The following EFTUD2 variants were observed in gnomAD, a reference collection of about 807,000 sequenced individuals.
The protein encoded by EFTUD2 is 116 kDa U5 small nuclear ribonucleoprotein component.
A neutral mutation model predicts 114.3 loss-of-function variants in EFTUD2; 9 were observed. The ratio of observed to expected loss-of-function variants is 0.08; its 90% confidence interval spans 0.05 to 0.14. The LOEUF is 0.14. EFTUD2 is among the 10% of genes least tolerant of loss of function. The probability of loss-of-function intolerance (pLI) is 1.00; values close to 1 mark genes in which losing one functional copy is unlikely to be tolerated. For missense variants in EFTUD2, 765 were observed against 1,241.2 expected (o/e 0.62, Z 5.76); for synonymous variants, 449 against 462.3 (o/e 0.97, Z 0.37).
rs2145438683 is a variant in EFTUD2 at position 44,854,770 on chromosome 17, T to C, written c.2133-88A>G. ...CAGACCCTCCCTTCCTGGAAGACAGTCACTTCATCCTACCCACTGTGCCCA... is the reference window on the plus strand; with the variant it reads ...CAGACCCTCCCTTCCTGGAAGACAGCCACTTCATCCTACCCACTGTGCCCA... On this transcript the variant is annotated intron_variant, in intron 21 of 27. Coordinates refer to ENST00000426333, the MANE Select transcript of EFTUD2 (RefSeq NM_004247.4). This position sits in a 1 kb window ranked among gnomAD's most constrained non-coding sequence, Gnocchi z 4.3. 6.3e-7 allele frequency: 1 copy of C among 1,580,978 alleles called. No homozygotes were observed. Among genetic ancestry groups the C allele is most frequent in the Middle Eastern group, 1.9e-4 (1 of 5,156 alleles).
intron 18 of EFTUD2, 21 bp downstream of exon 18, chr17:44,859,884 T>C (rs1344118708): frequency 6.2e-7 from 1 of 1,613,790 alleles, no homozygotes. Flanking sequence ...GCTTGGCGGC[T>C]GCTGCAGGCC....
At chr17:44,879,739 G>A (rs888545766) in intron 8 of EFTUD2, 101 bp from the exon 9 acceptor site, 29 of 1,112,486 alleles carry the variant, frequency 2.6e-5, no homozygotes, top group East Asian at 1.0e-4. Context: ...GTGAACCTCC[G>A]AATATCCCCT....
At position 44,867,862 on chromosome 17, in the gene EFTUD2, G is replaced by C; in HGVS notation, c.1094C>G (p.Ser365Cys). 1 of 1,605,442 alleles carries C rather than the reference G, an allele frequency of 6.2e-7. No homozygotes were observed. Among genetic ancestry groups the C allele is most frequent in the Non-Finnish European group, 8.5e-7 (1 of 1,175,810 alleles). Residue 365 changes from serine (S) to cysteine (C), a missense_variant, in exon 13 of 28, where the codon TCC (serine) becomes TGC (cysteine). Ser to Cys is a moderately radical substitution (Grantham distance 112). This residue lies in a region of EFTUD2 where 251 missense variants were observed against 357.7 expected (regional missense o/e 0.70). Coordinates refer to ENST00000426333, the MANE Select transcript of EFTUD2 (RefSeq NM_004247.4). ...GATAAACTCCACGAAACTTCTCTGGGAGCTGCTAGTTGGGGCCTTTTTGGT... is the reference window on the plus strand; with the variant it reads ...GATAAACTCCACGAAACTTCTCTGGCAGCTGCTAGTTGGGGCCTTTTTGGT... ...KFTKKAPTSS[S>C]QRSFVEFILE... is the part of the protein sequence containing the mutation.
chr17:44,883,198 G>A (rs1037865669), intron 5 of EFTUD2, 40 bp from the exon 6 acceptor site: 1 of 1,603,766 alleles, frequency 6.2e-7, no homozygotes, highest in Non-Finnish European at 8.5e-7. Context: ...CGACCACAGA[G>A]GAAAATTTAC....
chr17:44,852,385 C>T lies in EFTUD2; in HGVS notation c.2715+24G>A, dbSNP rs377564751. On this transcript the variant is annotated intron_variant, in intron 26 of 27. Transcript: ENST00000426333. ...GCTTGCAGAGGTGGGAAGCCAAGTC[C>T]GCCAGCCTGCATTGCTTTCTCACCT... The T allele has an allele frequency of 8.7e-5, 141 of 1,612,864 alleles. 1 individual carries two copies. The highest frequency in any genetic ancestry group is 5.3e-4 in the Middle Eastern group (3 of 5,622).
In EFTUD2 at chr17:44,863,752, G is replaced by A; in HGVS notation, c.1316C>T (p.Pro439Leu). Residue 439 changes from proline to leucine, a missense_variant, in exon 15 of 28, where the codon CCT becomes CTT. Pro to Leu is a moderately conservative substitution (Grantham distance 98, BLOSUM62 -3). Coordinates refer to ENST00000426333, the MANE Select transcript of EFTUD2 (RefSeq NM_004247.4). ...GFVDMCVQHI[P>L]SPKVGAKPKI... Reference sequence around the variant, plus strand: ...GGGCTTGGCGCCCACCTTTGGAGAAGGGATATGCTGCACACACATGTCCAC... The same window carrying A: ...GGGCTTGGCGCCCACCTTTGGAGAAAGGATATGCTGCACACACATGTCCAC... 1 of 1,614,164 alleles carries A rather than the reference G, an allele frequency of 6.2e-7. No homozygotes were observed. The highest frequency in any genetic ancestry group is 8.5e-7 in the Non-Finnish European group (1 of 1,179,992).
At chr17:44,853,131 G>A (rs1025913265) in intron 25 of EFTUD2, among the ~76,000 whole-genome samples, 165 bp downstream of exon 25, 14 of 152,084 alleles carry the variant, frequency 9.2e-5, no homozygotes, top group East Asian at 1.9e-4. Flanking sequence ...AGAAAAGCGG[G>A]GGCTTGCCTC....
chr17:44,881,825 T>C, intron 6 of EFTUD2, 103 bp from the exon 7 acceptor site: 4 of 1,123,848 alleles, frequency 3.6e-6, no homozygotes, highest in Non-Finnish European at 5.4e-6. Flanking sequence ...AAGGGTTTCT[T>C]TGAGATTAAA....
intron 2 of EFTUD2, 125 bp downstream of exon 2, chr17:44,894,292 C>T: frequency 1.3e-6 from 1 of 750,174 alleles, no homozygotes. Flanking sequence ...ATCACTTAAG[C>T]CCAGGAGGTG....
intron 2 of EFTUD2, among the ~76,000 whole-genome samples, chr17:44,888,488 T>G (rs1173117136): frequency 6.6e-6 from 1 of 152,128 alleles, no homozygotes; most frequent in Non-Finnish European, 1.5e-5. Context: ...CTCCAGCCCC[T>G]ATGCTGAGAA....
chr17:44,855,428 G>A lies in EFTUD2; in HGVS notation c.2046-424C>T, dbSNP rs187845211. 2.6e-5 allele frequency among the ~76,000 whole-genome samples: 4 copies of A among 151,622 alleles called. No homozygotes were observed. In the East Asian group the frequency reaches 7.8e-4, roughly 30 times the overall value. On this transcript the variant is annotated intron_variant, in intron 20 of 27. Transcript: ENST00000426333. Reference sequence around the variant, plus strand: ...TACAAAAAATTAGCTGGGCGTGGTGGCGTGCGCTGGCACATGCCTGTAATC... The same window carrying A: ...TACAAAAAATTAGCTGGGCGTGGTGACGTGCGCTGGCACATGCCTGTAATC...
chr17:44,853,570 C>G lies in EFTUD2; in HGVS notation c.2413G>C (p.Gly805Arg). ...VVAQEPLHRG[G>R]GQIIPTARRV... ...CTGGCTGTGGGGATGATCTGGCCCC[C>G]GCCCCGGTGCAGGGGCTCCTGGGCA... The change falls in exon 24 of 28, where the codon GGG (glycine) becomes CGG (arginine). Residue 805 changes from glycine (G) to arginine (R), a missense_variant. Physicochemically the swap from Gly to Arg is moderately radical, Grantham distance 125. Transcript: ENST00000426333. 1.2e-6 allele frequency: 2 copies of G among 1,614,188 alleles called. No individual in the cohort carries two copies. The highest frequency in any genetic ancestry group is 1.7e-6 in the Non-Finnish European group (2 of 1,180,022).
At chr17:44,878,696 C>A (rs1353391545) in intron 9 of EFTUD2, among the ~76,000 whole-genome samples, 2 of 151,954 alleles carry the variant, frequency 1.3e-5, no homozygotes, top group Non-Finnish European at 2.9e-5. Flanking sequence ...TGTGTCTGAA[C>A]GTGTACAGAG....
intron 11 of EFTUD2, among the ~76,000 whole-genome samples, chr17:44,870,742 AG>A (rs2050834301): frequency 1.3e-5 from 2 of 152,216 alleles, no homozygotes; most frequent in Admixed American, 1.3e-4. Flanking sequence ...TACACAGGCC[AG>A]GCACAGTGGC....
chr17:44,863,736 G>A lies in EFTUD2; in HGVS notation c.1332C>T (p.Gly444=), dbSNP rs765631040. 8 of 1,614,044 alleles carry A rather than the reference G, an allele frequency of 5.0e-6. No homozygotes were observed. Among genetic ancestry groups the A allele is most frequent in the Admixed American group, 1.7e-5 (1 of 59,994 alleles). ...AGGTGTGCTCAATCTTGGGCTTGGC[G>A]CCCACCTTTGGAGAAGGGATATGCT... ...CVQHIPSPKV[G]AKPKIEHTYT... The change falls in exon 15 of 28, where the codon GGC becomes GGT. Residue 444 remains glycine, a synonymous_variant. Coordinates refer to ENST00000426333, the MANE Select transcript of EFTUD2 (RefSeq NM_004247.4).
chr17:44,897,352 T>C (rs2051408814), intron 1 of EFTUD2, among the ~76,000 whole-genome samples: 2 of 152,172 alleles, frequency 1.3e-5, no homozygotes, highest in Non-Finnish European at 2.9e-5. Flanking sequence ...TCTTTTATGA[T>C]ACTAAATTTA....
intron 1 of EFTUD2, among the ~76,000 whole-genome samples, chr17:44,897,098 C>T (rs2051400824): frequency 6.6e-6 from 1 of 151,752 alleles, no homozygotes; most frequent in East Asian, 1.9e-4. Flanking sequence ...CGCCCGTAGT[C>T]CCAGCTACTG....
Position 44,876,004 on chromosome 17 carries a change from G to A in EFTUD2, c.799C>T (p.Leu267=), listed in dbSNP as rs769604540. The A allele has an allele frequency of 1.9e-6, 3 of 1,614,126 alleles. No individual in the cohort carries two copies. The South Asian group carries it at 3.3e-5, about 18-fold the overall frequency. ...INKIDRLILE[L]KLPPTDAYYK... is the part of the protein sequence containing the mutation. Reference sequence around the variant, plus strand: ...TAAGCATCAGTTGGAGGCAGCTTCAGCTCCAGGATCAGCCGGTCAATCTTG... The same window carrying A: ...TAAGCATCAGTTGGAGGCAGCTTCAACTCCAGGATCAGCCGGTCAATCTTG... Residue 267 remains leucine, a synonymous_variant, in exon 10 of 28, where the codon CTG becomes TTG. Coordinates refer to ENST00000426333, the MANE Select transcript of EFTUD2 (RefSeq NM_004247.4).
chr17:44,895,182 T>C (rs1040350006), intron 1 of EFTUD2, among the ~76,000 whole-genome samples: 1 of 152,222 alleles, frequency 6.6e-6, no homozygotes. Flanking sequence ...GGAATTCAAA[T>C]GTCAGTGTCT....
Sources: gnomAD v4.1 joint callset for allele counts (sites outside exome capture counted in the v4.1 genomes callset) on GRCh38, gnomAD v4.1.1 for gene constraint, gnomAD v4.1.1 regional missense constraint, Gnocchi (gnomAD v3.1) non-coding constraint, MANE v1.5 for transcripts, NCBI Gene and HGNC (gene_info 2026-07-23, HGNC 2026-07-21) for gene names.